The following ST18 variants were observed in gnomAD, a reference collection of about 807,000 sequenced individuals.
ST18 encodes the protein suppression of tumorigenicity 18 protein.
A neutral mutation model predicts 110.0 loss-of-function variants in ST18; 50 were observed. That is an observed-to-expected ratio of 0.45 (90% CI 0.36 to 0.58). The LOEUF (loss-of-function observed/expected upper bound fraction) is 0.58, where lower values mean the gene tolerates loss of function less well. Among genes scored for constraint, ST18 ranks in the 20% least tolerant of loss-of-function variants. The probability of loss-of-function intolerance (pLI) is 0.00; values close to 1 mark genes in which losing one functional copy is unlikely to be tolerated. For missense variants in ST18, 1,306 were observed against 1,280.1 expected, an observed-to-expected ratio of 1.02 and a Z score of -0.31; for synonymous variants, 461 against 452.4, an observed-to-expected ratio of 1.02 and a Z score of -0.24.
intron 2 of ST18, among the ~76,000 whole-genome samples, chr8:52,252,533 C>A (rs2094361317): frequency 6.6e-6 from 1 of 151,684 alleles, no homozygotes; most frequent in African/African-American, 2.4e-5. Context: ...TAAACATAAT[C>A]ACATTAGGAT....
intron 9 of ST18, among the ~76,000 whole-genome samples, chr8:52,174,591 C>T (rs1051088090): frequency 1.3e-5 from 2 of 152,156 alleles, no homozygotes; most frequent in South Asian, 2.1e-4. Context: ...ACCAGAGAGG[C>T]GGGAGTGACA....
At chr8:52,128,087 G>A (rs750149194) in intron 22 of ST18, among the ~76,000 whole-genome samples, 1 of 151,996 alleles carries the variant, frequency 6.6e-6, no homozygotes, top group Non-Finnish European at 1.5e-5. Flanking sequence ...TCCTGCCTCA[G>A]CCTCCCAAGT....
At chr8:52,269,303 G>A (rs534395217) in intron 2 of ST18, among the ~76,000 whole-genome samples, 2 of 152,294 alleles carry the variant, frequency 1.3e-5, no homozygotes, top group South Asian at 4.1e-4. Flanking sequence ...GAATCCGATG[G>A]TTTTCTCCAG....
At chr8:52,197,889 G>A (rs149520066) in intron 8 of ST18, among the ~76,000 whole-genome samples, 1 of 150,150 alleles carries the variant, frequency 6.7e-6, no homozygotes, top group African/African-American at 2.5e-5. Context: ...AACAAAATGA[G>A]CACACACACA....
At chr8:52,257,209 T>C (rs984654217) in intron 2 of ST18, among the ~76,000 whole-genome samples, 1 of 152,240 alleles carries the variant, frequency 6.6e-6, no homozygotes, top group African/African-American at 2.4e-5. Context: ...ATTCATTGAT[T>C]GATGGACACT....
At chr8:52,149,681 C>G in intron 16 of ST18, 51 bp downstream of exon 16, 1 of 1,575,690 alleles carries the variant, frequency 6.3e-7, no homozygotes, top group Non-Finnish European at 8.6e-7. Context: ...GCTAGTGATA[C>G]CCTGCAATCA....
intron 2 of ST18, among the ~76,000 whole-genome samples, chr8:52,325,678 T>C (rs182511886): frequency 3.1e-3 from 475 of 152,352 alleles, no homozygotes; most frequent in Non-Finnish European, 5.2e-3. Flanking sequence ...CTTCAGTATC[T>C]TAAAATTCAA....
chr8:52,244,540 A>G (rs571422722), intron 2 of ST18, among the ~76,000 whole-genome samples: 33 of 152,214 alleles, frequency 2.2e-4, no homozygotes, highest in South Asian at 6.2e-4. Context: ...ATAATCCTTC[A>G]TGAAGTCAGA....
At chr8:52,398,259 A>G (rs983650279) in intron 2 of ST18, among the ~76,000 whole-genome samples, 6 of 152,124 alleles carry the variant, frequency 3.9e-5, no homozygotes, top group Admixed American at 2.6e-4. Context: ...CTGATTTTCT[A>G]TGTTGATTTT....
chr8:52,386,126 G>A (rs1320157515), intron 2 of ST18, among the ~76,000 whole-genome samples: 1 of 152,076 alleles, frequency 6.6e-6, no homozygotes, highest in Admixed American at 6.5e-5. Context: ...TAGTAGAAAC[G>A]TCCATCCAAT....
At chr8:52,326,070 G>C (rs1806230952) in intron 2 of ST18, among the ~76,000 whole-genome samples, 1 of 152,160 alleles carries the variant, frequency 6.6e-6, no homozygotes, top group Non-Finnish European at 1.5e-5. Flanking sequence ...ACAAGTTATA[G>C]GTAGAAAAAT....
At chr8:52,288,709 A>T (rs566235540) in intron 2 of ST18, among the ~76,000 whole-genome samples, 25 of 152,162 alleles carry the variant, frequency 1.6e-4, no homozygotes, top group East Asian at 9.7e-4. Context: ...ATAAAAAAAA[A>T]AAAATAAAAG....
chr8:52,172,068 C>G lies in ST18; in HGVS notation c.793G>C (p.Glu265Gln). ...ERKDPQNALA[E>Q]PLDGNAQPSF... ...GGCTGGGCATTGCCATCCAGGGGTT[C>G]TGCGAGAGCATTCTGCGGGTCTTTC... Residue 265 changes from glutamate (E) to glutamine (Q), a missense_variant, in exon 10 of 26, where the codon GAA becomes CAA. Coordinates refer to ENST00000689386, the MANE Select transcript of ST18 (RefSeq NM_001352837.2). 6.2e-7 allele frequency: 1 copy of G among 1,614,254 alleles called. No homozygotes were observed. The highest frequency in any genetic ancestry group is 8.5e-7 in the Non-Finnish European group (1 of 1,180,056).
chr8:52,381,616 T>C (rs7388668), intron 2 of ST18, among the ~76,000 whole-genome samples: 114,748 of 152,144 alleles, frequency 0.75, 48,188 homozygotes, highest in Non-Finnish European at 0.93. Flanking sequence ...GCAAAGATTC[T>C]TGGAGTCGTC....
At chr8:52,162,901 C>T (rs909472905) in intron 13 of ST18, among the ~76,000 whole-genome samples, 2 of 152,054 alleles carry the variant, frequency 1.3e-5, no homozygotes, top group Non-Finnish European at 2.9e-5. Context: ...TTAGATTTTA[C>T]AAAAACTTTT....
chr8:52,159,489 A>G (rs2060869541), intron 14 of ST18, among the ~76,000 whole-genome samples: 1 of 152,212 alleles, frequency 6.6e-6, no homozygotes, highest in East Asian at 1.9e-4. Flanking sequence ...GCCCATTGGA[A>G]AACTGCATAT....
chr8:52,125,438 C>T (rs141569591), intron 23 of ST18, among the ~76,000 whole-genome samples: 1,923 of 152,196 alleles, frequency 0.013, 22 homozygotes, highest in Non-Finnish European at 0.02. Flanking sequence ...AGAACACACA[C>T]ACGTGAGAGA....
At chr8:52,309,166 G>A (rs946511596) in intron 2 of ST18, among the ~76,000 whole-genome samples, 3 of 152,176 alleles carry the variant, frequency 2.0e-5, no homozygotes, top group Non-Finnish European at 4.4e-5. Flanking sequence ...AGGGTGGTGG[G>A]TGGCGGTGGC....
chr8:52,269,903 T>C (rs900137732), intron 2 of ST18, among the ~76,000 whole-genome samples: 5 of 152,214 alleles, frequency 3.3e-5, no homozygotes, highest in Non-Finnish European at 7.4e-5. Context: ...AGTTCAGGGA[T>C]GGAAACTCTT....
Sources: allele counts gnomAD v4.1 joint callset (sites outside exome capture counted in the v4.1 genomes callset), GRCh38; gene constraint gnomAD v4.1.1; transcripts MANE v1.5; gene names NCBI Gene and HGNC (gene_info 2026-07-23, HGNC 2026-07-21).